The following CLIP1 variants were observed in gnomAD, a reference collection of about 807,000 sequenced individuals.
CLIP1 encodes CAP-Gly domain-containing linker protein 1.
CLIP1 carries 66 observed loss-of-function variants against 161.6 expected under a neutral mutation model. That is an observed-to-expected ratio of 0.41 (90% CI 0.33 to 0.50). The LOEUF is 0.50. Among genes scored for constraint, CLIP1 ranks in the 20% least tolerant of loss-of-function variants. The pLI is 0.27. For synonymous variants in CLIP1, 598 were observed against 626.2 expected, an observed-to-expected ratio of 0.96 and a Z score of 0.67; for missense variants, 1,376 against 1,702.0, an observed-to-expected ratio of 0.81 and a Z score of 3.37.
intron 1 of CLIP1, among the ~76,000 whole-genome samples, chr12:122,410,284 T>A (rs906605876): frequency 6.6e-6 from 1 of 152,156 alleles, no homozygotes; most frequent in Non-Finnish European, 1.5e-5. Flanking sequence ...CTCCCTATAG[T>A]AGATGCTTAA....
rs759404944 is a variant in CLIP1 at position 122,271,866 on chromosome 12, T to C, written c.*1009A>G. ...TAAAAAAACTTGTGAAGGGAGATTGTAGATTGGTTATTTAGGTGTTTTATA... is the reference window on the plus strand; with the variant it reads ...TAAAAAAACTTGTGAAGGGAGATTGCAGATTGGTTATTTAGGTGTTTTATA... On this transcript the variant is annotated 3_prime_UTR_variant, in exon 26 of 26. Transcript: ENST00000620786. 4.6e-5 allele frequency: 7 copies of C among 152,606 alleles called. No individual in the cohort carries two copies. Among genetic ancestry groups the C allele is most frequent in the African/African-American group, 1.7e-4 (7 of 41,426 alleles). The allele number at this position is 152,606 out of a possible 1,614,324, so 9.5% of individuals were successfully genotyped here.
chr12:122,387,566 ATATATATATATATATATATATATATT>A (rs1373222693), intron 1 of CLIP1, among the ~76,000 whole-genome samples: 2,124 of 74,212 alleles, frequency 0.029, 187 homozygotes, highest in African/African-American at 0.11. Context: ...ATATATATAT[ATATATATATATATATATATATATATT>A]TTTTTTTTTT....
chr12:122,387,568 ATATATATATATATATATATATATT>A (rs1486014506), intron 1 of CLIP1, among the ~76,000 whole-genome samples: 6,834 of 22,004 alleles, frequency 0.31, 498 homozygotes, highest in Non-Finnish European at 0.38. Context: ...ATATATATAT[ATATATATATATATATATATATATT>A]TTTTTTTTTT....
At position 122,412,032 on chromosome 12, in the gene CLIP1, CTACT is replaced by C. The variant is rs370285390; in HGVS notation, c.-107+10485_-107+10488del. 8.7e-5 allele frequency among the ~76,000 whole-genome samples: 13 copies of C among 148,632 alleles called. No individual in the cohort carries two copies. In the South Asian group the frequency reaches 2.4e-3, roughly 27 times the overall value. ...AAAACTGGTGTACTTAGCAGTTTTC[CTACT>C]TACTATCTACAACCAGTTATTTTCT... is the stretch of plus-strand genomic sequence containing the variant. On this transcript the variant is annotated intron_variant, in intron 1 of 25. Transcript: ENST00000620786.
intron 1 of CLIP1, among the ~76,000 whole-genome samples, chr12:122,413,195 G>A (rs927229144): frequency 6.6e-6 from 1 of 152,118 alleles, no homozygotes; most frequent in Non-Finnish European, 1.5e-5. Context: ...GAGAGAGGAG[G>A]CAAGAGGTCA....
At chr12:122,288,906 C>G (rs1313864216) in intron 20 of CLIP1, among the ~76,000 whole-genome samples, 2 of 149,976 alleles carry the variant, frequency 1.3e-5, no homozygotes, top group African/African-American at 4.9e-5. Context: ...AGCTCCGCCT[C>G]CCGGGTTCAC....
intron 1 of CLIP1, among the ~76,000 whole-genome samples, chr12:122,394,840 A>G (rs1407628937): frequency 6.6e-6 from 1 of 152,124 alleles, no homozygotes; most frequent in Admixed American, 6.6e-5. Flanking sequence ...CGACAGCATG[A>G]GACTCCGGCT....
rs373246411 is a variant in CLIP1, at chr12:122,332,999, C to A, written c.2855G>T (p.Arg952Leu). 5.0e-6 allele frequency: 8 copies of A among 1,613,214 alleles called. No homozygotes were observed. The African/African-American group carries it at 1.1e-4, about 22-fold the overall frequency. ...CAGTCACATATACCTTTCTTTCAGA[C>A]GTAATTCATCGTTCATTTTTGTCAG... is the stretch of plus-strand genomic sequence containing the variant. ...SQLTKMNDELRLKERDVEELQ... is the reference protein window; with the variant it reads ...SQLTKMNDELLLKERDVEELQ... Residue 952 changes from arginine to leucine, a missense_variant, in exon 15 of 26, where the codon CGT (arginine) becomes CTT (leucine). By Grantham distance (102) the Arg-to-Leu change is moderately radical. This residue lies in a region of CLIP1 where 948 missense variants were observed against 1,134.8 expected (regional missense o/e 0.84). Transcript: ENST00000620786.
At chr12:122,397,267 C>T (rs1417523494) in intron 1 of CLIP1, among the ~76,000 whole-genome samples, 1 of 151,720 alleles carries the variant, frequency 6.6e-6, no homozygotes, top group Non-Finnish European at 1.5e-5. Flanking sequence ...GAGACAAGCC[C>T]AGCAACCTCG....
intron 11 of CLIP1, among the ~76,000 whole-genome samples, chr12:122,337,393 C>A (rs1299751433): frequency 3.3e-5 from 5 of 150,178 alleles, no homozygotes; most frequent in Non-Finnish European, 7.4e-5. Context: ...GTTGGGTGAG[C>A]CGAGACCAGA....
At chr12:122,309,934 A>T in intron 19 of CLIP1, 52 bp from the exon 20 acceptor site, 1 of 1,604,682 alleles carries the variant, frequency 6.2e-7, no homozygotes, top group Non-Finnish European at 8.5e-7. Context: ...AGGCAAGGAA[A>T]CTGTGGGAGA....
chr12:122,317,590 A>C (rs7955389), intron 18 of CLIP1, among the ~76,000 whole-genome samples: 15,503 of 152,134 alleles, frequency 0.1, 2,561 homozygotes, highest in African/African-American at 0.35. Flanking sequence ...AGCCACCACC[A>C]AGGATGGTAG....
rs766796511 is a variant in CLIP1 at position 122,360,960 on chromosome 12, A to G, written c.1004T>C (p.Leu335Pro). Reference protein sequence around the residue: ...SVSSRPSRTGLLTETSSRYAR... With the variant: ...SVSSRPSRTGPLTETSSRYAR... ...CAGGTAGTGAGAAAGGGGCCTTACT[A>G]GTCCTGTCCGACTGGGCCTGCTGCT... Residue 335 changes from leucine (L) to proline (P), a missense_variant and splice_region_variant, in exon 5 of 26, where the codon CTA (leucine) becomes CCA (proline). Coordinates refer to ENST00000620786, the MANE Select transcript of CLIP1 (RefSeq NM_001247997.2). 1 of 1,610,876 alleles carries G rather than the reference A, an allele frequency of 6.2e-7. No individual in the cohort carries two copies. Among genetic ancestry groups the G allele is most frequent in the African/African-American group, 1.3e-5 (1 of 75,040 alleles).
intron 20 of CLIP1, among the ~76,000 whole-genome samples, chr12:122,308,738 A>C (rs1010842589): frequency 5.9e-5 from 9 of 152,254 alleles, no homozygotes; most frequent in Non-Finnish European, 1.3e-4. Flanking sequence ...CATAAATGTT[A>C]GCTACTATCA....
At chr12:122,408,756 C>T (rs1163232221) in intron 1 of CLIP1, among the ~76,000 whole-genome samples, 1 of 152,098 alleles carries the variant, frequency 6.6e-6, no homozygotes, top group African/African-American at 2.4e-5. Flanking sequence ...GCATGAGCCA[C>T]TGTGCCCGGC....
chr12:122,298,434 T>C (rs1286782215), intron 20 of CLIP1, among the ~76,000 whole-genome samples: 1 of 151,748 alleles, frequency 6.6e-6, no homozygotes, highest in Non-Finnish European at 1.5e-5. Flanking sequence ...AAACTCCGTC[T>C]CCACTAAAAA....
chr12:122,371,386 A>G (rs1415433776), intron 3 of CLIP1, among the ~76,000 whole-genome samples: 3 of 152,176 alleles, frequency 2.0e-5, no homozygotes, highest in Admixed American at 2.0e-4. Flanking sequence ...CTTTGGGGTT[A>G]GGATATTGGC....
intron 20 of CLIP1, among the ~76,000 whole-genome samples, chr12:122,296,861 CAAAAA>C (rs56071033): frequency 1.7e-5 from 1 of 58,264 alleles, no homozygotes; most frequent in Non-Finnish European, 4.1e-5. Context: ...GAGACTACCT[CAAAAA>C]AAAAAAAAAA....
chr12:122,288,463 CAT>C, intron 21 of CLIP1, 24 bp downstream of exon 21: 6 of 1,585,568 alleles, frequency 3.8e-6, no homozygotes, highest in African/African-American at 1.3e-5. Context: ...AACACACACA[CAT>C]ACAACAATAA....
Sources: gnomAD v4.1 joint callset for allele counts (sites outside exome capture counted in the v4.1 genomes callset) on GRCh38, gnomAD v4.1.1 for gene constraint, gnomAD v4.1.1 regional missense constraint, MANE v1.5 for transcripts, NCBI Gene and HGNC (gene_info 2026-07-23, HGNC 2026-07-21) for gene names.